TMCO5A: variants seen among roughly 807,000 people sequenced by gnomAD.
TMCO5A encodes transmembrane and coiled-coil domains 5A.
In TMCO5A, 34 loss-of-function variants were observed where a neutral mutation model predicts 42.3. That is an observed-to-expected ratio of 0.80 (90% CI 0.61 to 1.07). The LOEUF (loss-of-function observed/expected upper bound fraction) is 1.07, where lower values mean the gene tolerates loss of function less well. TMCO5A is among the 50% of genes least tolerant of loss of function. The pLI is 0.00. For synonymous variants in TMCO5A, 131 were observed against 115.6 expected (o/e 1.13, Z -0.86); for missense variants, 357 against 327.9 (o/e 1.09, Z -0.69).
chr15:37,936,147 A>G lies in TMCO5A; in HGVS notation c.-10-167A>G, dbSNP rs1005011111. On this transcript the variant is annotated intron_variant, in intron 2 of 11. Transcript: ENST00000319669. ...TGACTGAGCTGCGAATTATCGAAACAGTTGTAGAGCATGATCAAGAAATGT... is the reference window on the plus strand; with the variant it reads ...TGACTGAGCTGCGAATTATCGAAACGGTTGTAGAGCATGATCAAGAAATGT... 4.1e-6 allele frequency: 3 copies of G among 729,396 alleles called. No individual in the cohort carries two copies. The African/African-American group carries it at 5.5e-5, about 13-fold the overall frequency. 45.2% of individuals were successfully genotyped at this position (729,396 alleles called of 1,614,324 possible).
At chr15:37,935,605 A>G (rs1202492068) in intron 2 of TMCO5A, among the ~76,000 whole-genome samples, 2 of 152,132 alleles carry the variant, frequency 1.3e-5, no homozygotes, top group African/African-American at 4.8e-5. Context: ...CAATGAATTA[A>G]TTTACATTAG....
the TMCO5A span, among the ~76,000 whole-genome samples, chr15:38,027,969 A>T: frequency 6.6e-6 from 1 of 152,150 alleles, no homozygotes; most frequent in South Asian, 2.1e-4. Flanking sequence ...TTTATAAATT[A>T]CCCAATCTTG....
chr15:38,037,032 A>C, the TMCO5A span, among the ~76,000 whole-genome samples: 1 of 152,218 alleles, frequency 6.6e-6, no homozygotes, highest in African/African-American at 2.4e-5. Context: ...GGGGGAATTC[A>C]AAAGGTAAAT....
chr15:38,003,823 C>T, the TMCO5A span, among the ~76,000 whole-genome samples: 2 of 152,028 alleles, frequency 1.3e-5, no homozygotes, highest in Non-Finnish European at 2.9e-5. Flanking sequence ...CAGGAAGGAT[C>T]GAGAAATGCT....
At chr15:38,031,151 C>T in the TMCO5A span, among the ~76,000 whole-genome samples, 1 of 152,178 alleles carries the variant, frequency 6.6e-6, no homozygotes, top group Non-Finnish European at 1.5e-5. Flanking sequence ...CCCTTGCACC[C>T]TTCAGGGAGA....
chr15:37,942,290 A>G, intron 9 of TMCO5A, 35 bp downstream of exon 9: 1 of 1,601,200 alleles, frequency 6.2e-7, no homozygotes, highest in South Asian at 1.1e-5. Flanking sequence ...TGGTTTTGGT[A>G]GAAACTCCAT....
At chr15:37,955,255 TAAAAAAAAAA>T (rs55989832), downstream of TMCO5A, among the ~76,000 whole-genome samples, 1 of 106,268 alleles carries the variant, frequency 9.4e-6, no homozygotes, top group African/African-American at 3.6e-5. Context: ...ATTTAAAGAG[TAAAAAAAAAA>T]AAAAAAAAAA....
downstream of TMCO5A, among the ~76,000 whole-genome samples, chr15:37,952,896 TC>T (rs1259205631): frequency 2.0e-5 from 3 of 152,188 alleles, no homozygotes; most frequent in Non-Finnish European, 4.4e-5. Flanking sequence ...CTTGGGGCCT[TC>T]TTTAAGGAAA....
At chr15:37,940,607 C>G (rs1256830159) in intron 6 of TMCO5A, among the ~76,000 whole-genome samples, 2 of 152,078 alleles carry the variant, frequency 1.3e-5, no homozygotes, top group African/African-American at 2.4e-5. Flanking sequence ...TTGTGTCTCC[C>G]TACCAGAATG....
the TMCO5A span, among the ~76,000 whole-genome samples, chr15:37,975,188 A>G: frequency 0.014 from 2,058 of 151,872 alleles, 48 homozygotes; most frequent in African/African-American, 0.047. Flanking sequence ...GTATGTGCCC[A>G]TGCAAAGGAG....
the TMCO5A span, among the ~76,000 whole-genome samples, chr15:38,026,918 G>C: frequency 5.8e-3 from 881 of 152,328 alleles, 8 homozygotes; most frequent in African/African-American, 0.021. Flanking sequence ...CAGAAGTCAA[G>C]AACTGGGGTT....
intron 10 of TMCO5A, chr15:37,943,704 C>A (rs934510434): frequency 3.5e-6 from 1 of 284,348 alleles, no homozygotes. Context: ...AGAAAGAGGC[C>A]AATATAGGGC....
the TMCO5A span, among the ~76,000 whole-genome samples, chr15:38,007,466 T>C: frequency 6.6e-6 from 1 of 152,094 alleles, no homozygotes; most frequent in Non-Finnish European, 1.5e-5. Flanking sequence ...ACACAGAATA[T>C]TAAAATTAAA....
downstream of TMCO5A, among the ~76,000 whole-genome samples, chr15:37,953,655 C>G (rs1890215578): frequency 6.6e-6 from 1 of 151,996 alleles, no homozygotes; most frequent in Non-Finnish European, 1.5e-5. Flanking sequence ...TTCAATGCCC[C>G]AGCACCAAAC....
At chr15:37,995,081 C>T in the TMCO5A span, among the ~76,000 whole-genome samples, 8 of 152,070 alleles carry the variant, frequency 5.3e-5, no homozygotes, top group African/African-American at 1.9e-4. Context: ...TAAGCAAAAG[C>T]TCTCCCTACC....
At chr15:38,036,731 C>T in the TMCO5A span, among the ~76,000 whole-genome samples, 3 of 152,184 alleles carry the variant, frequency 2.0e-5, no homozygotes. Context: ...TTTTCTTACT[C>T]CTGCAGGCTG....
chr15:37,950,585 T>C (rs764971118), intron 11 of TMCO5A, among the ~76,000 whole-genome samples: 14 of 152,136 alleles, frequency 9.2e-5, no homozygotes, highest in Non-Finnish European at 1.8e-4. Flanking sequence ...CGCATCATTG[T>C]TCATCAGGGA....
chr15:37,937,922 A>G (rs1289965819), intron 5 of TMCO5A, among the ~76,000 whole-genome samples: 1 of 151,998 alleles, frequency 6.6e-6, no homozygotes, highest in Admixed American at 6.6e-5. Flanking sequence ...ACCCAGTGCG[A>G]ATTAGGGGTT....
chr15:37,972,506 G>A (rs1890694303), downstream of TMCO5A, among the ~76,000 whole-genome samples: 1 of 152,002 alleles, frequency 6.6e-6, no homozygotes, highest in African/African-American at 2.4e-5. Flanking sequence ...ATCTCCTTGT[G>A]GTTTTGATTT....
Sources: allele counts gnomAD v4.1 joint callset (sites outside exome capture counted in the v4.1 genomes callset), GRCh38; gene constraint gnomAD v4.1.1; transcripts MANE v1.5; gene names NCBI Gene and HGNC (gene_info 2026-07-23, HGNC 2026-07-21).